Variants in SZT2 observed in about 807,000 individuals in gnomAD.
The protein encoded by SZT2 is KICSTOR complex protein SZT2.
SZT2 carries 216 observed loss-of-function variants against 404.2 expected under a neutral mutation model. The ratio of observed to expected loss-of-function variants is 0.53; its 90% CI spans 0.48 to 0.60. The LOEUF (loss-of-function observed/expected upper bound fraction) is 0.60, where lower values mean the gene tolerates loss of function less well. Ranked by LOEUF, SZT2 falls within the 20% of genes least tolerant of loss-of-function variation. SZT2 has a pLI of 0.00. For missense variants in SZT2, 3,857 were observed against 4,459.2 expected (o/e 0.86, Z 3.85); for synonymous variants, 1,693 against 1,749.9 (o/e 0.97, Z 0.81).
In SZT2 at chr1:43,448,971, C is replaced by T. The variant is rs1570746930; in HGVS notation, c.10086+243C>T. ...AAGCCTTGGCTTGAGATCCTGAGGG[C>T]CAGGCTCTGGAACTGACAACCCAAG... On this transcript the variant is annotated intron_variant, in intron 70 of 71. Transcript: ENST00000634258. This position sits in a 1 kb window ranked among gnomAD's most constrained non-coding sequence, Gnocchi z 4.2. 2.4e-5 allele frequency: 12 copies of T among 504,006 alleles called. No individual in the cohort carries two copies. The South Asian group carries it at 2.7e-4, about 11-fold the overall frequency. The allele number at this position is 504,006 out of a possible 1,614,324, so 31.2% of individuals were successfully genotyped here. A position where few individuals can be genotyped will look rare whatever the true frequency, so the allele number is the denominator to read the frequency against.
Position 43,439,686 on chromosome 1 carries a change from G to A in SZT2, c.6959G>A (p.Gly2320Glu). The A allele has an allele frequency of 1.2e-6, 2 of 1,613,084 alleles. No homozygotes were observed. The highest frequency in any genetic ancestry group is 2.2e-5 in the East Asian group (1 of 44,870). The change falls in exon 50 of 72, where the codon GGG (glycine) becomes GAG (glutamate). Residue 2320 changes from glycine (G) to glutamate (E), a missense_variant. Physicochemically the swap from Gly to Glu is moderately conservative, Grantham distance 98 (BLOSUM62 -2). Around this residue, in one of 7 missense-constraint regions of SZT2, gnomAD observed 573 missense variants for 592.4 expected, o/e 0.97. Coordinates refer to ENST00000634258, the MANE Select transcript of SZT2 (RefSeq NM_001365999.1). The surrounding 1 kb of genome is among the most constrained non-coding windows in gnomAD (Gnocchi z 4.2). Reference sequence around the variant, plus strand: ...GCGTTGTGGCCCCCCTCCTCTCCGGGGCCCCCAGACCCACTGCGAGAGGAG... The same window carrying A: ...GCGTTGTGGCCCCCCTCCTCTCCGGAGCCCCCAGACCCACTGCGAGAGGAG... ...SLALWPPSSP[G>E]PPDPLREEEF...
chr1:43,399,547 C>T (rs1020506771), intron 1 of SZT2, among the ~76,000 whole-genome samples: 8 of 150,480 alleles, frequency 5.3e-5, no homozygotes, highest in Non-Finnish European at 8.9e-5. Flanking sequence ...CTGCAAGCTC[C>T]GCCTCCCGGG....
intron 35 of SZT2, 60 bp from the exon 36 acceptor site, chr1:43,431,656 G>A (rs745462131): frequency 6.9e-6 from 11 of 1,604,996 alleles, no homozygotes; most frequent in Non-Finnish European, 9.4e-6. Flanking sequence ...TAGTCCGGGA[G>A]TAAGGGGATG....
At chr1:43,447,807 T>G (rs1415380758) in intron 67 of SZT2, 42 bp from the exon 68 acceptor site, 4 of 1,612,540 alleles carry the variant, frequency 2.5e-6, no homozygotes, top group Non-Finnish European at 3.4e-6. Context: ...TTTGTTTTAT[T>G]AGAACCCCAG....
chr1:43,424,416 C>T lies in SZT2; in HGVS notation c.2455C>T (p.Leu819Phe). ...ALPLSAIAQL[L>F]SILTEVRLSE... is the part of the protein sequence containing the mutation. ...GCCTCTCAGTGCCATTGCCCAGCTCCTCTCCATCCTCACTGAGTATGTCAT... is the reference window on the plus strand; with the variant it reads ...GCCTCTCAGTGCCATTGCCCAGCTCTTCTCCATCCTCACTGAGTATGTCAT... Residue 819 changes from leucine (L) to phenylalanine (F), a missense_variant, in exon 16 of 72, where the codon CTC becomes TTC. By Grantham distance (22) the Leu-to-Phe change is conservative. Around this residue, in one of 7 missense-constraint regions of SZT2, gnomAD observed 1,725 missense variants for 1,881.0 expected, o/e 0.92. Transcript: ENST00000634258. The surrounding 1 kb of genome is among the most constrained non-coding windows in gnomAD (Gnocchi z 4.1). The T allele has an allele frequency of 6.3e-7, 1 of 1,597,832 alleles. No homozygotes were observed. The highest frequency in any genetic ancestry group is 8.5e-7 in the Non-Finnish European group (1 of 1,179,590).
In SZT2 at chr1:43,428,053, G is replaced by A. The variant is rs370863026; in HGVS notation, c.3854G>A (p.Arg1285Gln). 19 of 1,614,018 alleles carry A rather than the reference G, an allele frequency of 1.2e-5. No homozygotes were observed. The highest frequency in any genetic ancestry group is 4.5e-5 in the East Asian group (2 of 44,890). Residue 1285 changes from arginine (R) to glutamine (Q), a missense_variant, in exon 27 of 72, where the codon CGG becomes CAG. Transcript: ENST00000634258. The part of the protein sequence containing the change: ...PSPSSAWMEP[R>Q]YKEAANHCAL... Reference sequence around the variant, plus strand: ...CCATCCTCAGCCTGGATGGAACCCCGGTACAAGGAGGCAGCTAACCACTGT... The same window carrying A: ...CCATCCTCAGCCTGGATGGAACCCCAGTACAAGGAGGCAGCTAACCACTGT...
intron 65 of SZT2, 147 bp from the exon 66 acceptor site, chr1:43,446,808 C>A: frequency 1.2e-6 from 1 of 807,074 alleles, no homozygotes; most frequent in Non-Finnish European, 1.9e-6. Flanking sequence ...GGAGGCCTTC[C>A]CACAGAAACC....
Position 43,415,111 on chromosome 1 carries a change from T to C in SZT2, c.528T>C (p.Pro176=), listed in dbSNP as rs780340130. 1.2e-4 allele frequency: 185 copies of C among 1,597,978 alleles called. No homozygotes were observed. Among genetic ancestry groups the C allele is most frequent in the Non-Finnish European group, 8.9e-5 (105 of 1,179,582 alleles). ...QVLVQGCLLD[P]SQREVFLQQI... is the part of the protein sequence containing the mutation. ...TGGTACAGGGCTGCCTCTTGGACCC[T>C]TCCCAGCGGGAGGTGTTCCTGCAGC... The change falls in exon 5 of 72, where the codon CCT becomes CCC. Residue 176 remains proline, a synonymous_variant. Coordinates refer to ENST00000634258, the MANE Select transcript of SZT2 (RefSeq NM_001365999.1).
intron 35 of SZT2, 44 bp from the exon 36 acceptor site, chr1:43,431,672 G>A (rs777764029): frequency 1.2e-6 from 2 of 1,607,332 alleles, no homozygotes; most frequent in Non-Finnish European, 1.7e-6. Flanking sequence ...GGATGCCCAA[G>A]GAAGCAAGGG....
chr1:43,446,994 G>C lies in SZT2; in HGVS notation c.9112G>C (p.Asp3038His), dbSNP rs1423724197. Residue 3038 changes from aspartate (D) to histidine (H), a missense_variant, in exon 66 of 72, where the codon GAC (aspartate) becomes CAC (histidine). Transcript: ENST00000634258. ...LFTEECDKVR[D>H]LMHVHSFSYD... ...CACAGAGGAGTGTGACAAGGTGCGG[G>C]ACCTGATGCACGTGCACTCGTTCAG... 6.2e-7 allele frequency: 1 copy of C among 1,613,590 alleles called. No individual in the cohort carries two copies. Among genetic ancestry groups the C allele is most frequent in the South Asian group, 1.1e-5 (1 of 91,080 alleles).
At chr1:43,396,800 A>G (rs1373523651) in intron 1 of SZT2, among the ~76,000 whole-genome samples, 2 of 152,320 alleles carry the variant, frequency 1.3e-5, no homozygotes, top group Admixed American at 6.5e-5. Flanking sequence ...GCACTCCCCC[A>G]GGGTTCCAGG....
At chr1:43,428,602 C>G (rs994986251) in intron 28 of SZT2, 116 bp downstream of exon 28, 160 of 1,428,972 alleles carry the variant, frequency 1.1e-4, no homozygotes, top group Non-Finnish European at 1.3e-4. Flanking sequence ...ACCTGAGAAG[C>G]AGTAGTGCTT....
chr1:43,427,990 C>G lies in SZT2; in HGVS notation c.3804-13C>G. On this transcript the variant is annotated splice_polypyrimidine_tract_variant and intron_variant, in intron 26 of 71. Transcript: ENST00000634258. ...GGGAGTTGGTCAAGTTCCATTTTCC[C>G]TTCGTTTCCTAGGACTCAGTTCCTC... 1 of 1,610,776 alleles carries G rather than the reference C, an allele frequency of 6.2e-7. No individual in the cohort carries two copies. The highest frequency in any genetic ancestry group is 1.7e-4 in the Middle Eastern group (1 of 6,048).
intron 1 of SZT2, 47 bp downstream of exon 1, chr1:43,390,042 A>C (rs1327241574): frequency 7.3e-7 from 1 of 1,368,548 alleles, no homozygotes; most frequent in Non-Finnish European, 9.4e-7. Flanking sequence ...TCCGAGGGGG[A>C]GGGTCCGGCG....
chr1:43,394,029 T>C, intron 1 of SZT2: 1 of 974,210 alleles, frequency 1.0e-6, no homozygotes, highest in Non-Finnish European at 1.2e-6. Context: ...TACTTTGTCT[T>C]CCTTGCCAGA....
At chr1:43,392,979 C>G (rs531850456) in intron 1 of SZT2, among the ~76,000 whole-genome samples, 1 of 152,276 alleles carries the variant, frequency 6.6e-6, no homozygotes, top group Non-Finnish European at 1.5e-5. Context: ...GACATGCTCT[C>G]TATCTTTATG....
chr1:43,402,747 G>A (rs544488347), intron 1 of SZT2, among the ~76,000 whole-genome samples: 1 of 152,258 alleles, frequency 6.6e-6, no homozygotes, highest in East Asian at 1.9e-4. Flanking sequence ...AAATTTCTTC[G>A]GTGCCTGCTG....
At chr1:43,446,678 T>G in intron 65 of SZT2, 1 of 620,160 alleles carries the variant, frequency 1.6e-6, no homozygotes, top group Non-Finnish European at 2.8e-6. Context: ...TGTAGTCATC[T>G]AGAGTCTGTG....
chr1:43,436,941 C>CTAA (rs1654518136), intron 42 of SZT2: 1 of 572,224 alleles, frequency 1.7e-6, no homozygotes, highest in Admixed American at 3.2e-5. Flanking sequence ...AGCTCCTTCT[C>CTAA]TAAGTCTCCT....
Sources: gnomAD v4.1 joint callset for allele counts (sites outside exome capture counted in the v4.1 genomes callset) on GRCh38, gnomAD v4.1.1 for gene constraint, gnomAD v4.1.1 regional missense constraint, Gnocchi (gnomAD v3.1) non-coding constraint, MANE v1.5 for transcripts, NCBI Gene and HGNC (gene_info 2026-07-23, HGNC 2026-07-21) for gene names.